The following GDPD1 variants were observed in gnomAD, a reference collection of about 807,000 sequenced individuals.
GDPD1 encodes glycerophosphodiester phosphodiesterase domain containing 1.
GDPD1 carries 28 observed loss-of-function variants against 45.1 expected under a neutral mutation model. The ratio of observed to expected loss-of-function variants is 0.62; its 90% CI spans 0.46 to 0.85. The LOEUF (loss-of-function observed/expected upper bound fraction) is 0.85, where lower values mean the gene tolerates loss of function less well. GDPD1 is among the 40% of genes least tolerant of loss of function. The probability of loss-of-function intolerance (pLI) is 0.00; values close to 1 mark genes in which losing one functional copy is unlikely to be tolerated. For synonymous variants in GDPD1, 139 were observed against 131.4 expected, an observed-to-expected ratio of 1.06 and a Z score of -0.40; for missense variants, 256 against 364.8, an observed-to-expected ratio of 0.70 and a Z score of 2.43.
intron 2 of GDPD1, among the ~76,000 whole-genome samples, chr17:59,241,681 C>T (rs1209744559): frequency 1.3e-5 from 2 of 151,704 alleles, no homozygotes; most frequent in Non-Finnish European, 2.9e-5. Context: ...GTAATCCCAG[C>T]ACTTTGGGAG....
Position 59,275,298 on chromosome 17 carries a change from C to A in GDPD1, c.*1525C>A. 2 of 927,614 alleles carry A rather than the reference C, an allele frequency of 2.2e-6. No individual in the cohort carries two copies. The highest frequency in any genetic ancestry group is 1.5e-5 in the South Asian group (1 of 65,376). The allele number at this position is 927,614 out of a possible 1,614,324, so 57.5% of individuals were successfully genotyped here. On this transcript the variant is annotated 3_prime_UTR_variant, in exon 10 of 10. Coordinates refer to ENST00000284116, the MANE Select transcript of GDPD1 (RefSeq NM_182569.4). Reference sequence around the variant, plus strand: ...TTATACATAATCAGCAGCAGCCAGGCTCAAGAAAATAAAAGTTGATTAGTT... The same window carrying A: ...TTATACATAATCAGCAGCAGCCAGGATCAAGAAAATAAAAGTTGATTAGTT...
At chr17:59,246,988 G>A (rs1000555481) in intron 3 of GDPD1, among the ~76,000 whole-genome samples, 5 of 151,876 alleles carry the variant, frequency 3.3e-5, no homozygotes, top group African/African-American at 1.2e-4. Context: ...GGCTGGTCTT[G>A]AACTCCTGAC....
At chr17:59,255,063 A>G (rs912935395) in intron 4 of GDPD1, among the ~76,000 whole-genome samples, 15 of 152,288 alleles carry the variant, frequency 9.8e-5, no homozygotes, top group African/African-American at 3.6e-4. Flanking sequence ...TTTAATGTAC[A>G]TGCTGCTTTT....
At chr17:59,230,894 G>C (rs1258476594) in intron 1 of GDPD1, among the ~76,000 whole-genome samples, 1 of 152,206 alleles carries the variant, frequency 6.6e-6, no homozygotes, top group East Asian at 1.9e-4. Context: ...TGCAGCTGAT[G>C]AGATGGAAAT....
chr17:59,272,909 C>A (rs753648441), intron 9 of GDPD1, 73 bp downstream of exon 9: 7 of 1,611,934 alleles, frequency 4.3e-6, no homozygotes, highest in Non-Finnish European at 4.2e-6. Context: ...AGGGCAAGAA[C>A]TTTTAACTGA....
chr17:59,229,119 ATTG>A (rs1453233323), intron 1 of GDPD1, among the ~76,000 whole-genome samples: 18 of 130,058 alleles, frequency 1.4e-4, no homozygotes, highest in African/African-American at 2.1e-4. Flanking sequence ...TTTTCCTCAA[ATTG>A]TTATTATTAT....
intron 1 of GDPD1, among the ~76,000 whole-genome samples, chr17:59,233,524 A>AAAG (rs1555721706): frequency 4.7e-4 from 71 of 151,062 alleles, no homozygotes; most frequent in East Asian, 1.8e-3. Context: ...AAAAAAAAAA[A>AAAG]AAAAAGAAAG....
chr17:59,232,399 G>A (rs1202453299), intron 1 of GDPD1, among the ~76,000 whole-genome samples: 2 of 150,922 alleles, frequency 1.3e-5, no homozygotes, highest in East Asian at 1.9e-4. Flanking sequence ...ACGTTGAGCC[G>A]AGATCACGCC....
intron 1 of GDPD1, among the ~76,000 whole-genome samples, chr17:59,231,700 T>A (rs555198077): frequency 6.6e-5 from 10 of 152,252 alleles, no homozygotes; most frequent in South Asian, 2.1e-4. Flanking sequence ...AAGTTTTTTT[T>A]ATTTAAAATT....
chr17:59,253,189 C>T (rs549615800), intron 4 of GDPD1, among the ~76,000 whole-genome samples: 13 of 152,184 alleles, frequency 8.5e-5, no homozygotes, highest in Admixed American at 8.5e-4. Context: ...ATTCCATCAA[C>T]CAACACATCC....
intron 1 of GDPD1, among the ~76,000 whole-genome samples, chr17:59,229,343 A>T (rs995234025): frequency 1.5e-4 from 22 of 150,276 alleles, no homozygotes; most frequent in African/African-American, 4.6e-4. Flanking sequence ...TTTGACACAG[A>T]AGTGCCTGTA....
At chr17:59,244,855 G>A (rs2047199034) in intron 2 of GDPD1, among the ~76,000 whole-genome samples, 2 of 151,410 alleles carry the variant, frequency 1.3e-5, no homozygotes, top group East Asian at 3.9e-4. Flanking sequence ...AATTAGCTGG[G>A]CACAGTGGCA....
intron 4 of GDPD1, among the ~76,000 whole-genome samples, chr17:59,255,756 AAAAAAAATATAT>A (rs1244928527): frequency 3.7e-5 from 3 of 80,854 alleles, no homozygotes; most frequent in East Asian, 3.1e-4. Flanking sequence ...AAAAAAAAAA[AAAAAAAATATAT>A]ATATATATAT....
chr17:59,226,206 C>T (rs2047046151), intron 1 of GDPD1, among the ~76,000 whole-genome samples: 1 of 152,106 alleles, frequency 6.6e-6, no homozygotes, highest in Non-Finnish European at 1.5e-5. Flanking sequence ...CCCTTTAGCA[C>T]TCTTGTCTTT....
At chr17:59,269,669 C>T (rs1018817088) in intron 7 of GDPD1, among the ~76,000 whole-genome samples, 4 of 151,742 alleles carry the variant, frequency 2.6e-5, no homozygotes, top group Non-Finnish European at 5.9e-5. Context: ...ACTAAAAATA[C>T]AAAATTAGCT....
At chr17:59,240,086 T>C (rs2047163928) in intron 2 of GDPD1, among the ~76,000 whole-genome samples, 1 of 151,726 alleles carries the variant, frequency 6.6e-6, no homozygotes, top group Non-Finnish European at 1.5e-5. Flanking sequence ...AGGGCAGGAG[T>C]TCGAGACCAG....
intron 3 of GDPD1, 86 bp downstream of exon 3, chr17:59,245,635 A>T (rs930311087): frequency 2.5e-5 from 25 of 981,052 alleles, no homozygotes; most frequent in Middle Eastern, 3.3e-4. Context: ...TCAGCAAAAA[A>T]TTTCTAATAT....
Position 59,220,662 on chromosome 17 carries a change from T to C in GDPD1, c.53T>C (p.Val18Ala). ...CTCTCTACGCTAGGAGGATACTTGG[T>C]GACCTCATTCTTGTTGCTTAAATAC... ...YLLSTLGGYL[V>A]TSFLLLKYPT... Residue 18 changes from valine to alanine, a missense_variant, in exon 1 of 10, where the codon GTG becomes GCG. Val to Ala is a moderately conservative substitution (Grantham distance 64). Transcript: ENST00000284116. The C allele has an allele frequency of 4.3e-6, 7 of 1,614,182 alleles. No homozygotes were observed. The highest frequency in any genetic ancestry group is 5.1e-6 in the Non-Finnish European group (6 of 1,180,004).
intron 2 of GDPD1, 99 bp from the exon 3 acceptor site, chr17:59,245,315 A>T (rs1827623272): frequency 2.4e-6 from 2 of 820,212 alleles, no homozygotes; most frequent in Non-Finnish European, 4.0e-6. Context: ...TTTTAGTATT[A>T]TGGGATTTTG....
Sources: gnomAD v4.1 joint callset for allele counts (sites outside exome capture counted in the v4.1 genomes callset) on GRCh38, gnomAD v4.1.1 for gene constraint, MANE v1.5 for transcripts, NCBI Gene and HGNC (gene_info 2026-07-23, HGNC 2026-07-21) for gene names.